TMEM130: variants seen among roughly 807,000 people sequenced by gnomAD.
TMEM130 encodes the protein transmembrane protein 130.
TMEM130 carries 37 observed loss-of-function variants against 42.9 expected under a neutral mutation model. That is an observed-to-expected ratio of 0.86 (90% CI 0.66 to 1.13). The LOEUF is 1.13. TMEM130 is among the 50% of genes most tolerant of loss of function. The pLI is 0.00. For synonymous variants in TMEM130, 259 were observed against 237.7 expected, an observed-to-expected ratio of 1.09 and a Z score of -0.82; for missense variants, 545 against 562.6, an observed-to-expected ratio of 0.97 and a Z score of 0.32.
chr7:98,854,333 C>T (rs1794579455), intron 5 of TMEM130, among the ~76,000 whole-genome samples: 2 of 152,076 alleles, frequency 1.3e-5, no homozygotes, highest in Non-Finnish European at 1.5e-5. Context: ...GAAAATAGGC[C>T]ACGTCATACA....
chr7:98,863,152 C>A lies in TMEM130; in HGVS notation c.334G>T (p.Ala112Ser), dbSNP rs782725818. The A allele has an allele frequency of 6.2e-7, 1 of 1,613,994 alleles. No homozygotes were observed. Among genetic ancestry groups the A allele is most frequent in the South Asian group, 1.1e-5 (1 of 91,084 alleles). Residue 112 changes from alanine (A) to serine (S), a missense_variant, in exon 2 of 8, where the codon GCT (alanine) becomes TCT (serine). Transcript: ENST00000339375. The stretch of plus-strand genomic sequence containing the variant: ...ACAGGCTGGCACATCCAGCAGTCAG[C>A]GGCAGTGACCCAGACAGAGACCGGG... Reference protein sequence around the residue: ...EFPVSVWVTAADCWMCQPVAR... With the variant: ...EFPVSVWVTASDCWMCQPVAR...
rs1794623629 is a variant in TMEM130 at position 98,856,005 on chromosome 7, C to G, written c.718+12G>C. ...GAACGCCCAGACTGCATCAGCCTGC[C>G]TGGACACCCACCCTGCAGCTTCAGC... On this transcript the variant is annotated intron_variant, in intron 4 of 7. Coordinates refer to ENST00000339375, the MANE Select transcript of TMEM130 (RefSeq NM_152913.3). 36 of 1,611,264 alleles carry G rather than the reference C, an allele frequency of 2.2e-5. No individual in the cohort carries two copies. The highest frequency in any genetic ancestry group is 3.1e-5 in the Non-Finnish European group (36 of 1,179,770).
At chr7:98,866,151 A>G (rs1321473660) in intron 1 of TMEM130, 1 of 152,366 alleles carries the variant, frequency 6.6e-6, no homozygotes, top group Non-Finnish European at 1.5e-5. Flanking sequence ...GTCTCTACTA[A>G]CAATACAAAA....
intron 1 of TMEM130, among the ~76,000 whole-genome samples, chr7:98,863,924 A>T (rs1326993203): frequency 7.2e-6 from 1 of 138,642 alleles, no homozygotes; most frequent in Non-Finnish European, 1.5e-5. Flanking sequence ...CGTTCTCTGG[A>T]TCTCACTCTG....
Position 98,855,166 on chromosome 7 carries a change from A to G in TMEM130, c.803+74T>C, listed in dbSNP as rs1479279118. 19 of 1,362,694 alleles carry G rather than the reference A, an allele frequency of 1.4e-5. No individual in the cohort carries two copies. The African/African-American group carries it at 2.2e-4, about 16-fold the overall frequency. The allele number at this position is 1,362,694 out of a possible 1,614,324, so 84.4% of individuals were successfully genotyped here. ...CCTGAGGCCTGTCACAGAGCAGAAC[A>G]GACTTGGGGTCATCGTGAAGGGGGA... On this transcript the variant is annotated intron_variant, in intron 5 of 7. Transcript: ENST00000339375.
chr7:98,864,204 A>G (rs907181280), intron 1 of TMEM130, among the ~76,000 whole-genome samples: 4 of 151,432 alleles, frequency 2.6e-5, no homozygotes, highest in Non-Finnish European at 4.4e-5. Context: ...CATTCCCCAG[A>G]ATTCTTTTGG....
chr7:98,867,529 G>A (rs1554400780), intron 1 of TMEM130, among the ~76,000 whole-genome samples: 1 of 152,196 alleles, frequency 6.6e-6, no homozygotes, highest in African/African-American at 2.4e-5. Context: ...CAGGTAGCAG[G>A]GACATTCGGC....
In TMEM130 at chr7:98,863,375, G is replaced by A. The variant is rs141390323; in HGVS notation, c.111C>T (p.Thr37=). ...CCGCTCCCGTGGTGGCAGGGCTATC[G>A]GTGGTGAGATTGAGTTCATACAGGC... is the stretch of plus-strand genomic sequence containing the variant. The part of the protein sequence containing the change: ...AAGLYELNLT[T]DSPATTGAVV... Residue 37 remains threonine (T), a synonymous_variant, in exon 2 of 8, where the codon ACC becomes ACT. Coordinates refer to ENST00000339375, the MANE Select transcript of TMEM130 (RefSeq NM_152913.3). 4.6e-5 allele frequency: 73 copies of A among 1,598,760 alleles called. No individual in the cohort carries two copies. Among genetic ancestry groups the A allele is most frequent in the African/African-American group, 1.3e-4 (10 of 74,956 alleles).
intron 5 of TMEM130, among the ~76,000 whole-genome samples, chr7:98,854,584 A>C (rs1262656924): frequency 6.6e-6 from 1 of 152,104 alleles, no homozygotes; most frequent in Non-Finnish European, 1.5e-5. Context: ...ACAAAAATTA[A>C]AAATTGGCCA....
intron 2 of TMEM130, among the ~76,000 whole-genome samples, chr7:98,862,585 G>C (rs1794806441): frequency 7.6e-6 from 1 of 131,674 alleles, no homozygotes; most frequent in Non-Finnish European, 1.5e-5. Flanking sequence ...TGCAACCTCT[G>C]CCCCCCAGGT....
rs1002976506 is a variant in TMEM130, at chr7:98,869,440, C to G, written c.85+337G>C. On this transcript the variant is annotated intron_variant, in intron 1 of 7. Coordinates refer to ENST00000339375, the MANE Select transcript of TMEM130 (RefSeq NM_152913.3). The surrounding 1 kb of genome is among the most constrained non-coding windows in gnomAD (Gnocchi z 4.7). ...CTGGCGCATCCCCGCCTCCCTGCCT[C>G]GTCCTCCCCTCCCTTAGCGGGTGCA... is the stretch of plus-strand genomic sequence containing the variant. 2.5e-6 allele frequency: 3 copies of G among 1,217,994 alleles called. No individual in the cohort carries two copies. The highest frequency in any genetic ancestry group is 1.6e-5 in the African/African-American group (1 of 62,622). 75.4% of individuals were successfully genotyped at this position (1,217,994 alleles called of 1,614,324 possible).
Position 98,848,188 on chromosome 7 carries a change from C to T in TMEM130, c.1140G>A (p.Gly380=). 1.2e-6 allele frequency: 2 copies of T among 1,614,058 alleles called. No individual in the cohort carries two copies. Among genetic ancestry groups the T allele is most frequent in the African/African-American group, 1.3e-5 (1 of 75,014 alleles). Residue 380 remains glycine (G), a synonymous_variant, in exon 8 of 8, where the codon GGG becomes GGA. Transcript: ENST00000339375. ...DMVENPEPPS[G]VRCCCQMCCG... Reference sequence around the variant, plus strand: ...AGCACATCTGGCAGCAGCACCTGACCCCAGAGGGTGGCTCCGGGTTCTTGT... The same window carrying T: ...AGCACATCTGGCAGCAGCACCTGACTCCAGAGGGTGGCTCCGGGTTCTTGT...
chr7:98,855,401 G>T, intron 4 of TMEM130, 77 bp from the exon 5 acceptor site: 1 of 1,315,152 alleles, frequency 7.6e-7, no homozygotes, highest in Non-Finnish European at 1.1e-6. Context: ...AGGGTGGTGC[G>T]ACTGCCACCC....
In TMEM130 at chr7:98,869,175, C is replaced by CT; in HGVS notation, c.85+601dup. 4 of 1,283,262 alleles carry CT rather than the reference C, an allele frequency of 3.1e-6. No homozygotes were observed. Among genetic ancestry groups the CT allele is most frequent in the Non-Finnish European group, 4.1e-6 (4 of 986,234 alleles). The allele number at this position is 1,283,262 out of a possible 1,614,324, so 79.5% of individuals were successfully genotyped here. A position where few individuals can be genotyped will look rare whatever the true frequency, so the allele number is the denominator to read the frequency against. On this transcript the variant is annotated intron_variant, in intron 1 of 7. Transcript: ENST00000339375. The surrounding 1 kb of genome is among the most constrained non-coding windows in gnomAD (Gnocchi z 4.7). The stretch of plus-strand genomic sequence containing the variant: ...TGGGGGCAGTAGACACACAACCCTG[C>CT]TTCCCCCACTCCCCCACCCACACAC...
At position 98,847,279 on chromosome 7, in the gene TMEM130, C is replaced by T. The variant is rs1396060293; in HGVS notation, c.*777G>A. 2.0e-5 allele frequency: 3 copies of T among 152,208 alleles called. No individual in the cohort carries two copies. Among genetic ancestry groups the T allele is most frequent in the Admixed American group, 2.0e-4 (3 of 15,262 alleles). The allele number at this position is 152,208 out of a possible 1,614,324, so 9.4% of individuals were successfully genotyped here. A position where few individuals can be genotyped will look rare whatever the true frequency, so the allele number is the denominator to read the frequency against. Reference sequence around the variant, plus strand: ...CAATCACTCAGTATTAGTCCTGCCCCCCATCCAGCCCCCTGCCAGCCAGCA... The same window carrying T: ...CAATCACTCAGTATTAGTCCTGCCCTCCATCCAGCCCCCTGCCAGCCAGCA... On this transcript the variant is annotated 3_prime_UTR_variant, in exon 8 of 8. Coordinates refer to ENST00000339375, the MANE Select transcript of TMEM130 (RefSeq NM_152913.3).
At chr7:98,864,319 C>T (rs1554400324) in intron 1 of TMEM130, among the ~76,000 whole-genome samples, 1 of 152,014 alleles carries the variant, frequency 6.6e-6, no homozygotes, top group Non-Finnish European at 1.5e-5. Context: ...GATCCTCCCA[C>T]CTCAGCCTGC....
chr7:98,862,825 A>AG (rs1554399986), intron 2 of TMEM130, among the ~76,000 whole-genome samples: 1 of 152,120 alleles, frequency 6.6e-6, no homozygotes, highest in Non-Finnish European at 1.5e-5. Flanking sequence ...TCTAACCAAC[A>AG]GTACCTATTG....
At position 98,856,216 on chromosome 7, in the gene TMEM130, A is replaced by T. The variant is rs782165348; in HGVS notation, c.552-33T>A. ...GAGACAGGGAGGAGAGAGGAGGAAG[A>T]CAGCAGACGGTTGCTTCCCCTTCCT... On this transcript the variant is annotated intron_variant, in intron 3 of 7. Transcript: ENST00000339375. The T allele has an allele frequency of 1.9e-6, 3 of 1,603,672 alleles. No homozygotes were observed. The African/African-American group carries it at 4.0e-5, about 21-fold the overall frequency.
intron 3 of TMEM130, 105 bp downstream of exon 3, chr7:98,860,068 CAAAAAA>C (rs113732793): frequency 4.8e-6 from 4 of 828,906 alleles, no homozygotes. Flanking sequence ...GACTGCATCT[CAAAAAA>C]AAAAAAAAAA....
Sources: allele counts gnomAD v4.1 joint callset (sites outside exome capture counted in the v4.1 genomes callset), GRCh38; gene constraint gnomAD v4.1.1; non-coding constraint Gnocchi (gnomAD v3.1); transcripts MANE v1.5; gene names NCBI Gene and HGNC (gene_info 2026-07-23, HGNC 2026-07-21).